The following ANGEL2 variants were observed in gnomAD, a reference collection of about 807,000 sequenced individuals.
The protein encoded by ANGEL2 is angel homolog 2.
ANGEL2 carries 41 observed loss-of-function variants against 66.0 expected under a neutral mutation model. That is an observed-to-expected ratio of 0.62 (90% CI 0.48 to 0.81). The LOEUF is 0.81. Among genes scored for constraint, ANGEL2 ranks in the 30% least tolerant of loss-of-function variants. ANGEL2 has a pLI of 0.00. For missense variants in ANGEL2, 561 were observed against 641.6 expected, an observed-to-expected ratio of 0.87 and a Z score of 1.36; for synonymous variants, 208 against 226.5, an observed-to-expected ratio of 0.92 and a Z score of 0.73.
intron 7 of ANGEL2, among the ~76,000 whole-genome samples, chr1:212,998,948 C>T (rs762847334): frequency 1.3e-5 from 2 of 151,956 alleles, no homozygotes; most frequent in African/African-American, 2.4e-5. Flanking sequence ...GGTGCGATCT[C>T]GGCTCACTGC....
intron 7 of ANGEL2, among the ~76,000 whole-genome samples, chr1:212,997,848 G>A (rs1572109244): frequency 6.6e-6 from 1 of 151,982 alleles, no homozygotes; most frequent in Non-Finnish European, 1.5e-5. Context: ...CTATTTTCTA[G>A]TGATACTTTA....
intron 4 of ANGEL2, 109 bp from the exon 5 acceptor site, chr1:213,005,563 C>G: frequency 8.6e-7 from 1 of 1,164,012 alleles, no homozygotes; most frequent in Admixed American, 2.6e-5. Flanking sequence ...TTCTGCAAAA[C>G]ATTAGTAATG....
Position 213,013,287 on chromosome 1 carries a change from G to A in ANGEL2, c.191C>T (p.Ala64Val), listed in dbSNP as rs1394887745. The A allele has an allele frequency of 1.1e-5, 18 of 1,614,072 alleles. No homozygotes were observed. Among genetic ancestry groups the A allele is most frequent in the South Asian group, 2.2e-5 (2 of 91,090 alleles). ...CMRWPGHYSR[A>V]PYPYFSSRHF... is the part of the protein sequence containing the mutation. Reference sequence around the variant, plus strand: ...CCTACTACTGAAGTATGGGTAAGGAGCTCGAGAGTAATGTCCAGGCCACCT... The same window carrying A: ...CCTACTACTGAAGTATGGGTAAGGAACTCGAGAGTAATGTCCAGGCCACCT... Residue 64 changes from alanine to valine, a missense_variant, in exon 2 of 9, where the codon GCT becomes GTT. Physicochemically the swap from Ala to Val is moderately conservative, Grantham distance 64 (BLOSUM62 0). Coordinates refer to ENST00000366962, the MANE Select transcript of ANGEL2 (RefSeq NM_144567.5).
rs2075958569 is a variant in ANGEL2, at chr1:212,995,074, C to CAGAT, written c.1598_1601dup (p.Pro535SerfsTer10). 6.2e-7 allele frequency: 1 copy of CAGAT among 1,610,628 alleles called. No homozygotes were observed. Among genetic ancestry groups the CAGAT allele is most frequent in the Non-Finnish European group, 8.5e-7 (1 of 1,178,288 alleles). ...CAAGTCTGAACTTTGCCAATAAAGGCAGATGATCTGAAGAGTTATTTTCGT... is the reference window on the plus strand; with the variant it reads ...CAAGTCTGAACTTTGCCAATAAAGGCAGATAGATGATCTGAAGAGTTATTTTCGT... On this transcript the variant is annotated frameshift_variant, in exon 9 of 9. Coordinates refer to ENST00000366962, the MANE Select transcript of ANGEL2 (RefSeq NM_144567.5). LOFTEE classifies it high-confidence loss of function.
Position 213,008,354 on chromosome 1 carries a change from G to A in ANGEL2, c.498C>T (p.Asp166=), listed in dbSNP as rs956850975. 3.1e-6 allele frequency: 5 copies of A among 1,614,148 alleles called. No individual in the cohort carries two copies. The East Asian group carries it at 1.1e-4, about 36-fold the overall frequency. ...GTATATTATAGGACATCACTGAAAA[G>A]TCAAACTTGTTCTCACTGTCTTCAC... ...PKCEDSENKF[D]FSVMSYNILS... is the part of the protein sequence containing the mutation. The change falls in exon 3 of 9, where the codon GAC becomes GAT. Residue 166 remains aspartate, a synonymous_variant. Coordinates refer to ENST00000366962, the MANE Select transcript of ANGEL2 (RefSeq NM_144567.5).
At chr1:213,012,974 C>T (rs1369304375) in intron 2 of ANGEL2, 119 bp downstream of exon 2, 1 of 1,000,910 alleles carries the variant, frequency 1.0e-6, no homozygotes, top group Non-Finnish European at 1.4e-6. Flanking sequence ...AAACTACTGG[C>T]TAAAAGTCAA....
chr1:212,994,781 C>T lies in ANGEL2; in HGVS notation c.*260G>A, dbSNP rs2075952180. 1 of 240,132 alleles carries T rather than the reference C, an allele frequency of 4.2e-6. No individual in the cohort carries two copies. The highest frequency in any genetic ancestry group is 2.2e-5 in the African/African-American group (1 of 44,834). 14.9% of individuals were successfully genotyped at this position (240,132 alleles called of 1,614,324 possible). A position where few individuals can be genotyped will look rare whatever the true frequency, so the allele number is the denominator to read the frequency against. On this transcript the variant is annotated 3_prime_UTR_variant, in exon 9 of 9. Coordinates refer to ENST00000366962, the MANE Select transcript of ANGEL2 (RefSeq NM_144567.5). ...TATTTAAAAATCACTGTCAATTTTA[C>T]TAGGATTTAGAATATAAAACCTTTA...
At chr1:212,996,670 T>TATATAC (rs1467256999) in intron 8 of ANGEL2, among the ~76,000 whole-genome samples, 2 of 135,652 alleles carry the variant, frequency 1.5e-5, no homozygotes, top group African/African-American at 5.4e-5. Context: ...TATATATATA[T>TATATAC]ACTTTTCCTC....
At chr1:213,008,091 C>T (rs894634527) in intron 3 of ANGEL2, 119 bp downstream of exon 3, 11 of 1,125,030 alleles carry the variant, frequency 9.8e-6, no homozygotes, top group Non-Finnish European at 7.5e-6. Flanking sequence ...CTCAAACTAC[C>T]GACCTCAGGT....
chr1:213,010,599 T>C (rs773660812), intron 2 of ANGEL2, among the ~76,000 whole-genome samples: 4 of 150,400 alleles, frequency 2.7e-5, no homozygotes, highest in Non-Finnish European at 5.9e-5. Context: ...GAACTGATCA[T>C]GTGTAGAACA....
chr1:212,998,670 C>A (rs1160883858), intron 7 of ANGEL2, among the ~76,000 whole-genome samples: 1 of 150,222 alleles, frequency 6.7e-6, no homozygotes, highest in East Asian at 2.0e-4. Context: ...TACAGGCGCC[C>A]ACCACCACAC....
intron 2 of ANGEL2, chr1:213,011,369 C>A: frequency 8.6e-7 from 1 of 1,162,462 alleles, no homozygotes; most frequent in Non-Finnish European, 1.1e-6. Context: ...GGCAAGTTAG[C>A]AATGCTGTTT....
intron 2 of ANGEL2, 65 bp from the exon 3 acceptor site, chr1:213,008,531 A>G (rs2076409506): frequency 2.0e-6 from 3 of 1,528,524 alleles, no homozygotes; most frequent in Non-Finnish European, 2.6e-6. Flanking sequence ...TTTCCCACAT[A>G]TATGTATTTT....
rs966304277 is a variant in ANGEL2 at position 212,992,633 on chromosome 1, A to C, written c.*2408T>G. ...TTTTTGGCCTCCAGTCCACAAAATA[A>C]TACTTCATTTGATAAGCTAAAGTAA... On this transcript the variant is annotated 3_prime_UTR_variant, in exon 9 of 9. Transcript: ENST00000366962. 2 of 152,244 alleles carry C rather than the reference A, an allele frequency of 1.3e-5. No individual in the cohort carries two copies. Among genetic ancestry groups the C allele is most frequent in the East Asian group, 1.9e-4 (1 of 5,200 alleles). 9.4% of individuals were successfully genotyped at this position (152,244 alleles called of 1,614,324 possible).
In ANGEL2 at chr1:212,998,048, CCTCT is replaced by C. The variant is rs541775914; in HGVS notation, c.1320-734_1320-731del. Among the ~76,000 whole-genome samples, 686 of 151,902 alleles carry C rather than the reference CCTCT, an allele frequency of 4.5e-3. 4 individuals are homozygous for C. The highest frequency in any genetic ancestry group is 7.7e-3 in the Non-Finnish European group (524 of 67,950). ...AACAAAGGTAAATCCTTAAAAATGCCCTCTAAGTTTTATTAGCAACTTTTTATGT... is the reference window on the plus strand; with the variant it reads ...AACAAAGGTAAATCCTTAAAAATGCCAAGTTTTATTAGCAACTTTTTATGT... On this transcript the variant is annotated intron_variant, in intron 7 of 8. Coordinates refer to ENST00000366962, the MANE Select transcript of ANGEL2 (RefSeq NM_144567.5).
At chr1:212,996,383 T>C (rs2076007211) in intron 8 of ANGEL2, among the ~76,000 whole-genome samples, 1 of 151,472 alleles carries the variant, frequency 6.6e-6, no homozygotes, top group South Asian at 2.1e-4. Context: ...CAAGCCACCC[T>C]GGGAGGCCGA....
At position 213,005,022 on chromosome 1, in the gene ANGEL2, A is replaced by C; in HGVS notation, c.1134+11T>G. ...TGTCCACTCCCTAATAACAATGAAG[A>C]AAGCACTTACCTTTCCTATGGGAAG... is the stretch of plus-strand genomic sequence containing the variant. On this transcript the variant is annotated intron_variant, in intron 5 of 8. Coordinates refer to ENST00000366962, the MANE Select transcript of ANGEL2 (RefSeq NM_144567.5). 6.6e-7 allele frequency: 1 copy of C among 1,525,302 alleles called. No individual in the cohort carries two copies. Among genetic ancestry groups the C allele is most frequent in the Non-Finnish European group, 8.8e-7 (1 of 1,142,808 alleles). The allele number at this position is 1,525,302 out of a possible 1,614,324, so 94.5% of individuals were successfully genotyped here. A position where few individuals can be genotyped will look rare whatever the true frequency, so the allele number is the denominator to read the frequency against.
intron 5 of ANGEL2, among the ~76,000 whole-genome samples, chr1:213,004,086 T>C (rs2076252258): frequency 6.6e-6 from 1 of 151,900 alleles, no homozygotes; most frequent in African/African-American, 2.4e-5. Context: ...AAGCCTGTAG[T>C]CCCAGCTACT....
chr1:213,015,767 A>C lies in ANGEL2; in HGVS notation c.-96T>G. On this transcript the variant is annotated 5_prime_UTR_variant, in exon 1 of 9. Coordinates refer to ENST00000366962, the MANE Select transcript of ANGEL2 (RefSeq NM_144567.5). ...CCTAAAGTATCTAGGGAACCCCATC[A>C]CTCTTAAGTACCGACTCCAGTCCTG... 6.5e-7 allele frequency: 1 copy of C among 1,532,824 alleles called. No homozygotes were observed. The highest frequency in any genetic ancestry group is 2.3e-5 in the East Asian group (1 of 44,188). The allele number at this position is 1,532,824 out of a possible 1,614,324, so 95.0% of individuals were successfully genotyped here. A position where few individuals can be genotyped will look rare whatever the true frequency, so the allele number is the denominator to read the frequency against.
Sources: gnomAD v4.1 joint callset for allele counts (sites outside exome capture counted in the v4.1 genomes callset) on GRCh38, gnomAD v4.1.1 for gene constraint, MANE v1.5 for transcripts, NCBI Gene and HGNC (gene_info 2026-07-23, HGNC 2026-07-21) for gene names.